SLC10A7: variants seen among roughly 807,000 people sequenced by gnomAD.
The protein encoded by SLC10A7 is sodium/bile acid cotransporter 7.
Under a neutral mutation model 43.2 loss-of-function variants are expected in SLC10A7, and 29 were observed. That is an observed-to-expected ratio of 0.67 (90% CI 0.50 to 0.92). The LOEUF is 0.92. Among genes scored for constraint, SLC10A7 ranks in the 40% least tolerant of loss-of-function variants. The pLI, the probability that SLC10A7 is intolerant of heterozygous loss-of-function variation, is 0.00. For missense variants in SLC10A7, 295 were observed against 403.2 expected, an observed-to-expected ratio of 0.73 and a Z score of 2.30; for synonymous variants, 152 against 144.8, an observed-to-expected ratio of 1.05 and a Z score of -0.35.
Position 146,289,853 on chromosome 4 carries a change from T to C in SLC10A7, c.773+3076A>G, listed in dbSNP as rs545683758. On this transcript the variant is annotated intron_variant, in intron 9 of 11. Coordinates refer to ENST00000335472, the MANE Select transcript of SLC10A7 (RefSeq NM_001029998.6). ...GCCTCAGCCTCTGGAGTAGCTGGGATTACAGGTGCACGCCACCACGCTGGG... is the reference window on the plus strand; with the variant it reads ...GCCTCAGCCTCTGGAGTAGCTGGGACTACAGGTGCACGCCACCACGCTGGG... Among the ~76,000 whole-genome samples, 33 of 149,760 alleles carry C rather than the reference T, an allele frequency of 2.2e-4. No homozygotes were observed. In the South Asian group the frequency reaches 6.7e-3, roughly 31 times the overall value.
At chr4:146,373,637 C>A (rs753098126) in intron 5 of SLC10A7, among the ~76,000 whole-genome samples, 1 of 152,026 alleles carries the variant, frequency 6.6e-6, no homozygotes, top group African/African-American at 2.4e-5. Flanking sequence ...GTGAAATGTA[C>A]ATTATAAAAA....
At chr4:146,399,134 C>T (rs1739040785) in intron 5 of SLC10A7, among the ~76,000 whole-genome samples, 1 of 152,170 alleles carries the variant, frequency 6.6e-6, no homozygotes, top group Non-Finnish European at 1.5e-5. Flanking sequence ...AGGAGCAAAT[C>T]TAGTGAAGAT....
intron 4 of SLC10A7, among the ~76,000 whole-genome samples, chr4:146,446,726 A>C (rs1304720193): frequency 6.6e-6 from 1 of 151,196 alleles, no homozygotes; most frequent in Non-Finnish European, 1.5e-5. Context: ...CAGAAGTAGA[A>C]AGGGTGAGAA....
intron 1 of SLC10A7, 28 bp from the exon 2 acceptor site, chr4:146,517,148 A>G: frequency 1.3e-6 from 2 of 1,551,912 alleles, no homozygotes; most frequent in African/African-American, 1.4e-5. Context: ...AGTTATTGCT[A>G]GAAAAGAATT....
intron 4 of SLC10A7, among the ~76,000 whole-genome samples, chr4:146,476,812 G>A (rs1243365507): frequency 6.6e-6 from 1 of 152,118 alleles, no homozygotes; most frequent in Admixed American, 6.5e-5. Context: ...AAAACAGGAA[G>A]ACAGTTAACT....
intron 4 of SLC10A7, among the ~76,000 whole-genome samples, chr4:146,458,749 T>C (rs1404393439): frequency 2.6e-5 from 4 of 151,874 alleles, no homozygotes; most frequent in South Asian, 2.1e-4. Flanking sequence ...TCTGAGCTTC[T>C]AACCACTTTT....
chr4:146,316,769 G>A (rs974397690), intron 6 of SLC10A7, among the ~76,000 whole-genome samples: 24 of 152,120 alleles, frequency 1.6e-4, no homozygotes, highest in African/African-American at 5.1e-4. Context: ...GAATCCTAAA[G>A]TTTTAAGTCT....
intron 10 of SLC10A7, among the ~76,000 whole-genome samples, chr4:146,269,053 T>C (rs1728739027): frequency 6.6e-6 from 1 of 152,170 alleles, no homozygotes; most frequent in Non-Finnish European, 1.5e-5. Context: ...AAATTAAAAA[T>C]TGTGTTTTAG....
At chr4:146,509,205 CA>C (rs1262602713) in intron 3 of SLC10A7, among the ~76,000 whole-genome samples, 9 of 152,164 alleles carry the variant, frequency 5.9e-5, no homozygotes, top group African/African-American at 2.2e-4. Flanking sequence ...TGAGACTCCC[CA>C]ACATGCAAAA....
chr4:146,382,537 T>C (rs1737702436), intron 5 of SLC10A7, among the ~76,000 whole-genome samples: 1 of 152,148 alleles, frequency 6.6e-6, no homozygotes, highest in Admixed American at 6.6e-5. Flanking sequence ...ATGGAATTGA[T>C]AATATTTAAT....
intron 9 of SLC10A7, among the ~76,000 whole-genome samples, chr4:146,286,627 CGTGTCTGG>C (rs1560763841): frequency 9.5e-5 from 10 of 104,930 alleles, no homozygotes; most frequent in South Asian, 7.3e-4. Context: ...TGAGAAGGAC[CGTGTCTGG>C]AGTGGTGAGA....
intron 5 of SLC10A7, among the ~76,000 whole-genome samples, chr4:146,421,336 C>A (rs1431376601): frequency 6.6e-6 from 1 of 151,972 alleles, no homozygotes; most frequent in Non-Finnish European, 1.5e-5. Flanking sequence ...TGTTTGTGGT[C>A]CTTTATTTGT....
intron 5 of SLC10A7, among the ~76,000 whole-genome samples, chr4:146,331,751 G>A (rs1016241390): frequency 1.3e-5 from 2 of 152,044 alleles, no homozygotes; most frequent in African/African-American, 4.8e-5. Flanking sequence ...AAACCTCCAG[G>A]CTATCTTCAT....
At chr4:146,508,854 A>G (rs182628451) in intron 3 of SLC10A7, among the ~76,000 whole-genome samples, 1 of 152,300 alleles carries the variant, frequency 6.6e-6, no homozygotes, top group East Asian at 1.9e-4. Flanking sequence ...AGCACTCAGA[A>G]TAAAATCTGA....
intron 9 of SLC10A7, among the ~76,000 whole-genome samples, chr4:146,287,178 G>A (rs1399547562): frequency 6.6e-6 from 1 of 152,070 alleles, no homozygotes; most frequent in Non-Finnish European, 1.5e-5. Flanking sequence ...GAAGGACTGT[G>A]TCTGGAGTGG....
chr4:146,497,495 C>A (rs531436731), intron 4 of SLC10A7, among the ~76,000 whole-genome samples: 2 of 152,134 alleles, frequency 1.3e-5, no homozygotes, highest in Non-Finnish European at 2.9e-5. Flanking sequence ...AATACCTAGG[C>A]TCTCAAAATT....
chr4:146,273,541 T>G, intron 10 of SLC10A7, among the ~76,000 whole-genome samples: 1 of 152,092 alleles, frequency 6.6e-6, no homozygotes, highest in Middle Eastern at 3.2e-3. Context: ...AGTGAGACAG[T>G]GTATGGGAAG....
chr4:146,269,093 A>G (rs1224529063), intron 10 of SLC10A7, among the ~76,000 whole-genome samples: 1 of 152,236 alleles, frequency 6.6e-6, no homozygotes, highest in Non-Finnish European at 1.5e-5. Context: ...TAACCCCATC[A>G]CTTTGCTGAA....
chr4:146,411,187 A>C (rs375317603), intron 5 of SLC10A7, among the ~76,000 whole-genome samples: 4 of 152,126 alleles, frequency 2.6e-5, no homozygotes, highest in African/African-American at 7.2e-5. Flanking sequence ...AATATGTGTC[A>C]AACTTCCTTA....
Sources: gnomAD v4.1 joint callset for allele counts (sites outside exome capture counted in the v4.1 genomes callset) on GRCh38, gnomAD v4.1.1 for gene constraint, MANE v1.5 for transcripts, NCBI Gene and HGNC (gene_info 2026-07-23, HGNC 2026-07-21) for gene names.